MCF2L2: variants seen among roughly 807,000 people sequenced by gnomAD.
The protein encoded by MCF2L2 is MCF.2 cell line derived transforming sequence-like 2.
In MCF2L2, 102 loss-of-function variants were observed where a neutral mutation model predicts 150.2. The ratio of observed to expected loss-of-function variants is 0.68; its 90% confidence interval spans 0.58 to 0.80. The LOEUF is 0.80. Among genes scored for constraint, MCF2L2 ranks in the 30% least tolerant of loss-of-function variants. MCF2L2 has a pLI of 0.00. For synonymous variants in MCF2L2, 465 were observed against 491.3 expected, an observed-to-expected ratio of 0.95 and a Z score of 0.71; for missense variants, 1,256 against 1,372.8, an observed-to-expected ratio of 0.91 and a Z score of 1.34.
At chr3:183,219,967 T>G in intron 20 of MCF2L2, 43 bp from the exon 21 acceptor site, 1 of 1,389,944 alleles carries the variant, frequency 7.2e-7, no homozygotes, top group Non-Finnish European at 1.0e-6. Flanking sequence ...AAATGTACAT[T>G]GCCATCAAAA....
chr3:183,266,146 C>T (rs575334910), intron 15 of MCF2L2: 1 of 152,330 alleles, frequency 6.6e-6, no homozygotes, highest in Non-Finnish European at 1.5e-5. Context: ...GCCTGATTCA[C>T]TGGAGAGATA....
chr3:183,217,349 G>T (rs1722984331), intron 21 of MCF2L2, among the ~76,000 whole-genome samples: 1 of 138,974 alleles, frequency 7.2e-6, no homozygotes, highest in Non-Finnish European at 1.5e-5. Context: ...GTGTGTGCCT[G>T]TAATCCCAGC....
intron 15 of MCF2L2, chr3:183,271,141 T>C: frequency 2.2e-6 from 1 of 455,228 alleles, no homozygotes; most frequent in Non-Finnish European, 3.8e-6. Flanking sequence ...AAAGAATTTG[T>C]ATTTAGAAAA....
intron 7 of MCF2L2, among the ~76,000 whole-genome samples, chr3:183,315,571 G>C (rs1327774377): frequency 6.6e-6 from 1 of 152,150 alleles, no homozygotes; most frequent in African/African-American, 2.4e-5. Context: ...TGGCCTCCAA[G>C]GTTACTCCAA....
chr3:183,284,926 T>TA (rs1727705900), intron 14 of MCF2L2, among the ~76,000 whole-genome samples: 1 of 152,196 alleles, frequency 6.6e-6, no homozygotes, highest in Non-Finnish European at 1.5e-5. Context: ...TGACACTGAC[T>TA]AGACTTCAAA....
intron 13 of MCF2L2, among the ~76,000 whole-genome samples, chr3:183,293,079 A>T (rs1383599725): frequency 1.3e-5 from 2 of 152,220 alleles, no homozygotes; most frequent in East Asian, 3.8e-4. Context: ...GTCACAGTGT[A>T]TAAAAAGGCA....
At chr3:183,201,867 C>T (rs1722299140) in intron 25 of MCF2L2, among the ~76,000 whole-genome samples, 1 of 152,180 alleles carries the variant, frequency 6.6e-6, no homozygotes, top group Admixed American at 6.5e-5. Flanking sequence ...ACCTTTACTG[C>T]ATCTATTGAG....
intron 1 of MCF2L2, among the ~76,000 whole-genome samples, chr3:183,396,000 C>T (rs12486771): frequency 0.26 from 37,665 of 146,672 alleles, 5,765 homozygotes; most frequent in Non-Finnish European, 0.36. Flanking sequence ...GAAAGTTCCT[C>T]GTGGCACCGC....
chr3:183,394,053 A>C (rs528361018), intron 1 of MCF2L2, among the ~76,000 whole-genome samples: 1 of 152,348 alleles, frequency 6.6e-6, no homozygotes, highest in African/African-American at 2.4e-5. Context: ...ACCTAGGTTA[A>C]GGGGGAAAAA....
At chr3:183,271,333 G>A (rs1726762076) in intron 15 of MCF2L2, 1 of 168,598 alleles carries the variant, frequency 5.9e-6, no homozygotes. Context: ...TGTTAGACCA[G>A]GTAAGCAAGT....
intron 26 of MCF2L2, among the ~76,000 whole-genome samples, chr3:183,193,689 G>C (rs1721987474): frequency 6.6e-6 from 1 of 152,164 alleles, no homozygotes; most frequent in Non-Finnish European, 1.5e-5. Flanking sequence ...TCTCAAAAAT[G>C]TTTTCACTGG....
chr3:183,355,072 A>G (rs1428956103), intron 3 of MCF2L2, among the ~76,000 whole-genome samples: 1 of 150,184 alleles, frequency 6.7e-6, no homozygotes, highest in Non-Finnish European at 1.5e-5. Flanking sequence ...TTTATTATTC[A>G]TTATATTATT....
In MCF2L2 at chr3:183,283,329, C is replaced by T. The variant is rs1249140481; in HGVS notation, c.1776+5791G>A. Reference sequence around the variant, plus strand: ...CTTTACTGTCTACCAGAGTCAGCTTCGTAATACACAGGTGCCCTCCTCCTC... The same window carrying T: ...CTTTACTGTCTACCAGAGTCAGCTTTGTAATACACAGGTGCCCTCCTCCTC... On this transcript the variant is annotated intron_variant, in intron 14 of 29. Transcript: ENST00000328913. The surrounding 1 kb of genome is among the most constrained non-coding windows in gnomAD (Gnocchi z 4.2). Among the ~76,000 whole-genome samples the T allele has an allele frequency of 1.3e-5, 2 of 152,138 alleles. No individual in the cohort carries two copies. The highest frequency in any genetic ancestry group is 2.9e-5 in the Non-Finnish European group (2 of 68,018).
intron 15 of MCF2L2, among the ~76,000 whole-genome samples, chr3:183,275,467 T>G (rs1194745167): frequency 6.6e-6 from 1 of 152,270 alleles, no homozygotes; most frequent in Non-Finnish European, 1.5e-5. Context: ...ACCTCTTGAT[T>G]AACTCAGTGG....
Position 183,197,157 on chromosome 3 carries a change from C to T in MCF2L2, c.2885-1902G>A, listed in dbSNP as rs775585731. 7.9e-5 allele frequency among the ~76,000 whole-genome samples: 12 copies of T among 151,994 alleles called. No individual in the cohort carries two copies. The highest frequency in any genetic ancestry group is 1.3e-4 in the Non-Finnish European group (9 of 68,002). On this transcript the variant is annotated intron_variant, in intron 25 of 29. Coordinates refer to ENST00000328913, the MANE Select transcript of MCF2L2 (RefSeq NM_015078.4). The surrounding 1 kb of genome is among the most constrained non-coding windows in gnomAD (Gnocchi z 4.5). ...AATATATATAGAAGTATAAAGGACA[C>T]AGAATAATCAAAACAACTTTAAAAA...
chr3:183,318,096 G>A lies in MCF2L2; in HGVS notation c.725C>T (p.Ser242Phe), dbSNP rs2108515925. 6.2e-7 allele frequency: 1 copy of A among 1,614,124 alleles called. No individual in the cohort carries two copies. The highest frequency in any genetic ancestry group is 8.5e-7 in the Non-Finnish European group (1 of 1,180,014). Residue 242 changes from serine to phenylalanine, a missense_variant, in exon 7 of 30, where the codon TCC becomes TTC. By Grantham distance (155) the Ser-to-Phe change is radical. Transcript: ENST00000328913. Reference sequence around the variant, plus strand: ...CAGCTTGTCCCGCTGCCTTGTGTGGGACATGAGAAGGTCTTCCGTGGATAG... The same window carrying A: ...CAGCTTGTCCCGCTGCCTTGTGTGGAACATGAGAAGGTCTTCCGTGGATAG... ...SMLSTEDLLM[S>F]HTRQRDKLQD...
chr3:183,387,967 A>G (rs1416203271), intron 2 of MCF2L2, among the ~76,000 whole-genome samples: 1 of 150,196 alleles, frequency 6.7e-6, no homozygotes, highest in Non-Finnish European at 1.5e-5. Flanking sequence ...AGTTACAATA[A>G]CCCCATCATA....
At chr3:183,313,962 G>A (rs761214437) in intron 7 of MCF2L2, among the ~76,000 whole-genome samples, 2 of 152,164 alleles carry the variant, frequency 1.3e-5, no homozygotes, top group Non-Finnish European at 2.9e-5. Context: ...GCACTTGCTC[G>A]TACTCTCCTT....
intron 15 of MCF2L2, among the ~76,000 whole-genome samples, chr3:183,240,159 G>A (rs1015063280): frequency 6.6e-5 from 10 of 152,192 alleles, no homozygotes; most frequent in Admixed American, 1.3e-4. Flanking sequence ...ACACTTTAGT[G>A]CACTCATAGA....
Sources: allele counts gnomAD v4.1 joint callset (sites outside exome capture counted in the v4.1 genomes callset), GRCh38; gene constraint gnomAD v4.1.1; non-coding constraint Gnocchi (gnomAD v3.1); transcripts MANE v1.5; gene names NCBI Gene and HGNC (gene_info 2026-07-23, HGNC 2026-07-21).